The following STK32C variants were observed in gnomAD, a reference collection of about 807,000 sequenced individuals.
STK32C encodes serine/threonine kinase 32C, also known as serine/threonine-protein kinase 32C.
Under a neutral mutation model 56.5 loss-of-function variants are expected in STK32C, and 31 were observed. The ratio of observed to expected loss-of-function variants is 0.55; its 90% confidence interval spans 0.41 to 0.74. STK32C has a LOEUF of 0.74. Among genes scored for constraint, STK32C ranks in the 30% least tolerant of loss-of-function variants. The pLI is 0.00. For missense variants in STK32C, 544 were observed against 676.9 expected, an observed-to-expected ratio of 0.80 and a Z score of 2.18; for synonymous variants, 309 against 289.4, an observed-to-expected ratio of 1.07 and a Z score of -0.69.
Position 132,225,756 on chromosome 10 carries a change from C to T in STK32C, c.673G>A (p.Asp225Asn). The part of the protein sequence containing the change: ...RDVKPDNILL[D>N]ERGHAHLTDF... ...ACCCAACCCCACACACCTCTCTCAT[C>T]CAGGAGAATGTTGTCAGGCTTGACA... The change falls in exon 5 of 12, where the codon GAT becomes AAT. Residue 225 changes from aspartate to asparagine, a missense_variant. This residue lies in a region of STK32C where 85 missense variants were observed against 149.9 expected (regional missense o/e 0.57). Coordinates refer to ENST00000298630, the MANE Select transcript of STK32C (RefSeq NM_173575.4). 6.2e-7 allele frequency: 1 copy of T among 1,614,174 alleles called. No homozygotes were observed.
chr10:132,225,934 T>G, intron 4 of STK32C, 150 bp from the exon 5 acceptor site: 1 of 1,025,492 alleles, frequency 9.8e-7, no homozygotes, highest in East Asian at 2.4e-5. Context: ...TGGATGATGC[T>G]AGGACCTCAC....
chr10:132,268,533 G>GTC (rs2064684507), intron 1 of STK32C, among the ~76,000 whole-genome samples: 1 of 131,956 alleles, frequency 7.6e-6, no homozygotes, highest in Non-Finnish European at 1.5e-5. Flanking sequence ...GTGTGCATGC[G>GTC]TCACATTGTG....
intron 2 of STK32C, among the ~76,000 whole-genome samples, chr10:132,233,020 T>C (rs561904187): frequency 6.6e-6 from 1 of 152,314 alleles, no homozygotes; most frequent in South Asian, 2.1e-4. Flanking sequence ...AACGGTATAA[T>C]GAAACCACCT....
rs145857222 is a variant in STK32C at position 132,225,766 on chromosome 10, G to A, written c.663C>T (p.Asn221=). The A allele has an allele frequency of 2.3e-5, 37 of 1,614,160 alleles. No homozygotes were observed. Among genetic ancestry groups the A allele is most frequent in the Non-Finnish European group, 3.0e-5 (35 of 1,180,018 alleles). Residue 221 remains asparagine (N), a synonymous_variant, in exon 5 of 12, where the codon AAC becomes AAT. Coordinates refer to ENST00000298630, the MANE Select transcript of STK32C (RefSeq NM_173575.4). The part of the protein sequence containing the change: ...HIIHRDVKPD[N]ILLDERGHAH... Reference sequence around the variant, plus strand: ...ACACACCTCTCTCATCCAGGAGAATGTTGTCAGGCTTGACATCTCTAGAAA... The same window carrying A: ...ACACACCTCTCTCATCCAGGAGAATATTGTCAGGCTTGACATCTCTAGAAA...
intron 1 of STK32C, among the ~76,000 whole-genome samples, chr10:132,290,473 C>T (rs369351680): frequency 4.6e-5 from 7 of 152,320 alleles, no homozygotes; most frequent in Non-Finnish European, 7.3e-5. Flanking sequence ...AGAGAGGATG[C>T]GATTACTGTG....
intron 1 of STK32C, among the ~76,000 whole-genome samples, chr10:132,294,896 C>T (rs933965317): frequency 4.6e-5 from 7 of 152,150 alleles, no homozygotes; most frequent in Non-Finnish European, 7.3e-5. Flanking sequence ...TTTGTTTCAT[C>T]GTGATCTGTC....
At chr10:132,266,063 C>T (rs998037699) in intron 1 of STK32C, among the ~76,000 whole-genome samples, 1 of 152,174 alleles carries the variant, frequency 6.6e-6, no homozygotes, top group Non-Finnish European at 1.5e-5. Flanking sequence ...CAGTCAAATA[C>T]TGGAAATAAC....
chr10:132,272,326 G>A (rs374036125), intron 1 of STK32C, among the ~76,000 whole-genome samples: 2 of 152,236 alleles, frequency 1.3e-5, no homozygotes, highest in African/African-American at 2.4e-5. Flanking sequence ...CCCTGCCGGC[G>A]CGTGGTCTCG....
At chr10:132,270,617 G>T (rs530655559) in intron 1 of STK32C, among the ~76,000 whole-genome samples, 1 of 152,190 alleles carries the variant, frequency 6.6e-6, no homozygotes, top group East Asian at 1.9e-4. Context: ...CCTGCTCCCC[G>T]GCCTGCCGGA....
At chr10:132,244,795 C>T (rs1321018464) in intron 2 of STK32C, among the ~76,000 whole-genome samples, 8 of 152,234 alleles carry the variant, frequency 5.3e-5, no homozygotes, top group Non-Finnish European at 1.0e-4. Context: ...AGAACTTAGG[C>T]TCAGCTGGGA....
At chr10:132,304,701 C>T (rs1310404453) in intron 1 of STK32C, among the ~76,000 whole-genome samples, 2 of 152,202 alleles carry the variant, frequency 1.3e-5, no homozygotes, top group African/African-American at 2.4e-5. Flanking sequence ...CATTTTAATG[C>T]TTTCATAATT....
chr10:132,257,992 C>T (rs546325808), intron 1 of STK32C, among the ~76,000 whole-genome samples: 2 of 152,312 alleles, frequency 1.3e-5, no homozygotes, highest in South Asian at 4.1e-4. Context: ...CCACCTGCCC[C>T]GGGAAATCGG....
At chr10:132,219,957 G>A (rs1421032865) in intron 10 of STK32C, among the ~76,000 whole-genome samples, 3 of 152,096 alleles carry the variant, frequency 2.0e-5, no homozygotes, top group Non-Finnish European at 2.9e-5. Flanking sequence ...ACCACCGAGG[G>A]ACCCAGGGTC....
chr10:132,252,568 C>T (rs1305674528), intron 1 of STK32C, among the ~76,000 whole-genome samples: 1 of 152,230 alleles, frequency 6.6e-6, no homozygotes, highest in Non-Finnish European at 1.5e-5. Context: ...AGCTAGGGGG[C>T]TCCTTCCCAG....
chr10:132,283,240 C>T (rs2065270742), intron 1 of STK32C, among the ~76,000 whole-genome samples: 1 of 152,250 alleles, frequency 6.6e-6, no homozygotes, highest in Non-Finnish European at 1.5e-5. Flanking sequence ...CCCAGCAAAA[C>T]GTTTTCAGCA....
intron 1 of STK32C, among the ~76,000 whole-genome samples, chr10:132,268,590 G>A (rs979391868): frequency 1.4e-5 from 2 of 140,790 alleles, no homozygotes; most frequent in Non-Finnish European, 3.0e-5. Flanking sequence ...TGTGTATGCA[G>A]GTTCAGCTCT....
intron 10 of STK32C, among the ~76,000 whole-genome samples, chr10:132,220,443 G>A (rs992857262): frequency 6.6e-6 from 1 of 152,226 alleles, no homozygotes; most frequent in African/African-American, 2.4e-5. Context: ...TTAAAAGGGA[G>A]CCTGTTGATG....
At chr10:132,236,276 C>T (rs529737685) in intron 2 of STK32C, among the ~76,000 whole-genome samples, 5 of 152,348 alleles carry the variant, frequency 3.3e-5, no homozygotes, top group Admixed American at 2.0e-4. Context: ...GGCTCTGGGC[C>T]CACGCGGAGG....
chr10:132,236,036 G>A (rs1271518837), intron 2 of STK32C, among the ~76,000 whole-genome samples: 4 of 152,192 alleles, frequency 2.6e-5, no homozygotes, highest in Non-Finnish European at 5.9e-5. Flanking sequence ...TCCCTGATGA[G>A]GCCGGACCCG....
Sources: gnomAD v4.1 joint callset for allele counts (sites outside exome capture counted in the v4.1 genomes callset) on GRCh38, gnomAD v4.1.1 for gene constraint, gnomAD v4.1.1 regional missense constraint, MANE v1.5 for transcripts, NCBI Gene and HGNC (gene_info 2026-07-23, HGNC 2026-07-21) for gene names.